The following ATP13A4 variants were observed in gnomAD, a reference collection of about 807,000 sequenced individuals.
ATP13A4 encodes ATPase 13A4.
In ATP13A4, 114 loss-of-function variants were observed where a neutral mutation model predicts 142.5. The ratio of observed to expected loss-of-function variants is 0.80; its 90% CI spans 0.69 to 0.93. The LOEUF (loss-of-function observed/expected upper bound fraction) is 0.93. Ranked by LOEUF, ATP13A4 falls within the 40% of genes least tolerant of loss-of-function variation. The pLI, the probability that ATP13A4 is intolerant of heterozygous loss-of-function variation, is 0.00. For missense variants in ATP13A4, 1,392 were observed against 1,454.0 expected (o/e 0.96, Z 0.69); for synonymous variants, 488 against 514.8 (o/e 0.95, Z 0.70).
intron 2 of ATP13A4, among the ~76,000 whole-genome samples, chr3:193,576,743 T>C (rs1264698461): frequency 6.6e-6 from 1 of 152,162 alleles, no homozygotes; most frequent in Non-Finnish European, 1.5e-5. Flanking sequence ...GGGCAGCTCA[T>C]AGAATCTCTG....
chr3:193,467,388 AG>A lies in ATP13A4; in HGVS notation c.1041del (p.Phe348SerfsTer17). The A allele has an allele frequency of 6.2e-7, 1 of 1,614,154 alleles. No homozygotes were observed. The highest frequency in any genetic ancestry group is 8.5e-7 in the Non-Finnish European group (1 of 1,180,022). On this transcript the variant is annotated frameshift_variant, in exon 10 of 30. Transcript: ENST00000342695. LOFTEE classifies it high-confidence loss of function. Reference protein sequence around the residue: ...QSEADYKRHVLFCGTEVIQAK... With the variant: ...QSEADYKRHVXFCGTEVIQAK... ...GCCTGGATAACCTCTGTTCCACAGA[AG>A]AGGACATGCCGCTTGTAATCCGCTT... is the stretch of plus-strand genomic sequence containing the variant.
intron 25 of ATP13A4, among the ~76,000 whole-genome samples, chr3:193,426,050 T>C (rs1424202549): frequency 1.3e-5 from 2 of 151,650 alleles, no homozygotes; most frequent in Admixed American, 6.6e-5. Flanking sequence ...GGAAATAAAA[T>C]CATCCAATTG....
intron 1 of ATP13A4, among the ~76,000 whole-genome samples, chr3:193,548,932 A>G (rs1466082982): frequency 1.3e-5 from 2 of 152,212 alleles, no homozygotes; most frequent in Non-Finnish European, 2.9e-5. Flanking sequence ...CAAAATTAAG[A>G]GATTCTAGTT....
intron 1 of ATP13A4, among the ~76,000 whole-genome samples, chr3:193,522,103 G>C (rs1424192969): frequency 6.6e-6 from 1 of 152,204 alleles, no homozygotes; most frequent in East Asian, 1.9e-4. Flanking sequence ...GCTGCAGTCT[G>C]ATTATGGAAG....
intron 1 of ATP13A4, among the ~76,000 whole-genome samples, chr3:193,535,195 T>C (rs552144588): frequency 1.3e-5 from 2 of 152,334 alleles, no homozygotes; most frequent in East Asian, 1.9e-4. Context: ...TTAACTGATA[T>C]TTATTGAAGA....
chr3:193,567,588 C>T (rs1282525752), intron 2 of ATP13A4, among the ~76,000 whole-genome samples: 2 of 152,146 alleles, frequency 1.3e-5, no homozygotes, highest in African/African-American at 2.4e-5. Context: ...CTCCAATTTA[C>T]AGAAAATATG....
chr3:193,521,720 G>C (rs1213714660), intron 1 of ATP13A4, among the ~76,000 whole-genome samples: 1 of 152,052 alleles, frequency 6.6e-6, no homozygotes, highest in South Asian at 2.1e-4. Flanking sequence ...ATCACCTCAG[G>C]TCAGGAGATC....
intron 1 of ATP13A4, among the ~76,000 whole-genome samples, chr3:193,539,583 T>C (rs895738404): frequency 6.6e-6 from 1 of 152,204 alleles, no homozygotes; most frequent in African/African-American, 2.4e-5. Context: ...TAAGTCCCTA[T>C]TAAATGTTTC....
intron 8 of ATP13A4, among the ~76,000 whole-genome samples, chr3:193,481,826 A>T (rs1262871084): frequency 2.0e-5 from 3 of 152,202 alleles, no homozygotes; most frequent in African/African-American, 7.2e-5. Context: ...TCATATTAGT[A>T]CTGAATGAGG....
At chr3:193,527,843 T>G (rs984976740) in intron 1 of ATP13A4, among the ~76,000 whole-genome samples, 3 of 152,170 alleles carry the variant, frequency 2.0e-5, no homozygotes, top group Admixed American at 6.5e-5. Flanking sequence ...TGGGCCTGTT[T>G]GTCCATCTGT....
chr3:193,423,352 A>G (rs900614284), intron 25 of ATP13A4, among the ~76,000 whole-genome samples: 5 of 149,654 alleles, frequency 3.3e-5, no homozygotes, highest in African/African-American at 1.2e-4. Flanking sequence ...AATACTTCCA[A>G]ACTCATTCTA....
intron 26 of ATP13A4, among the ~76,000 whole-genome samples, chr3:193,413,568 T>A (rs1226393780): frequency 6.6e-6 from 1 of 152,130 alleles, no homozygotes; most frequent in African/African-American, 2.4e-5. Context: ...GGAATATTAA[T>A]AGTTAATATC....
In ATP13A4 at chr3:193,510,958, G is replaced by T. The variant is rs1012068026; in HGVS notation, c.234+3740C>A. On this transcript the variant is annotated intron_variant, in intron 2 of 29. Transcript: ENST00000342695. ...AATCTTTTTAAGATGTCATTTTAAT[G>T]CAAATAACCTAGCAGCAAACTTTTA... is the stretch of plus-strand genomic sequence containing the variant. Among the ~76,000 whole-genome samples the T allele has an allele frequency of 3.9e-5, 6 of 152,154 alleles. 1 individual carries two copies. The highest frequency in any genetic ancestry group is 3.3e-4 in the Admixed American group (5 of 15,278).
At chr3:193,426,163 C>G (rs1036737843) in intron 25 of ATP13A4, among the ~76,000 whole-genome samples, 1 of 151,740 alleles carries the variant, frequency 6.6e-6, no homozygotes, top group African/African-American at 2.4e-5. Flanking sequence ...TAATTGAATA[C>G]AGCAATGTTT....
At chr3:193,487,990 A>T (rs956748817) in intron 7 of ATP13A4, among the ~76,000 whole-genome samples, 1 of 152,160 alleles carries the variant, frequency 6.6e-6, no homozygotes, top group Non-Finnish European at 1.5e-5. Context: ...GAGGCTGGGC[A>T]CGGTGGCTCA....
At chr3:193,504,711 A>C (rs1301479432) in intron 2 of ATP13A4, among the ~76,000 whole-genome samples, 1 of 152,170 alleles carries the variant, frequency 6.6e-6, no homozygotes, top group Non-Finnish European at 1.5e-5. Context: ...ACTTCTAAAA[A>C]ACATAGTTTC....
chr3:193,474,347 A>AAAAC (rs1487315931), intron 8 of ATP13A4, among the ~76,000 whole-genome samples: 6 of 145,776 alleles, frequency 4.1e-5, no homozygotes, highest in African/African-American at 1.5e-4. Context: ...AAAAAAAAAA[A>AAAAC]CAAACAAAAA....
At chr3:193,454,030 G>A (rs1480407139) in intron 17 of ATP13A4, 71 bp downstream of exon 17, 1 of 1,314,348 alleles carries the variant, frequency 7.6e-7, no homozygotes, top group Non-Finnish European at 1.1e-6. Context: ...CCAGTCTAAT[G>A]CACTTGACAT....
intron 14 of ATP13A4, chr3:193,458,860 T>G: frequency 1.6e-6 from 1 of 638,210 alleles, no homozygotes; most frequent in Non-Finnish European, 2.8e-6. Context: ...ATTTTCTTAC[T>G]GCATCATCTC....
Sources: allele counts gnomAD v4.1 joint callset (sites outside exome capture counted in the v4.1 genomes callset), GRCh38; gene constraint gnomAD v4.1.1; transcripts MANE v1.5; gene names NCBI Gene and HGNC (gene_info 2026-07-23, HGNC 2026-07-21).